The following ZMAT4 variants were observed in gnomAD, a reference collection of about 807,000 sequenced individuals.
ZMAT4 encodes the protein zinc finger matrin-type 4, also known as zinc finger matrin-type protein 4.
ZMAT4 carries 17 observed loss-of-function variants against 28.7 expected under a neutral mutation model. That is an observed-to-expected ratio of 0.59 (90% CI 0.41 to 0.89). The LOEUF (loss-of-function observed/expected upper bound fraction) is 0.89, where lower values mean the gene tolerates loss of function less well. Ranked by LOEUF, ZMAT4 falls within the 40% of genes least tolerant of loss-of-function variation. The pLI, the probability that ZMAT4 is intolerant of heterozygous loss-of-function variation, is 0.00. For missense variants in ZMAT4, 240 were observed against 283.8 expected (o/e 0.85, Z 1.11); for synonymous variants, 117 against 109.2 (o/e 1.07, Z -0.44).
At chr8:40,767,148 G>A (rs1051500374) in intron 3 of ZMAT4, among the ~76,000 whole-genome samples, 4 of 152,148 alleles carry the variant, frequency 2.6e-5, no homozygotes, top group African/African-American at 9.7e-5. Context: ...CCAAGCAAAT[G>A]TTCCTTCAGA....
At chr8:40,715,883 C>T (rs1300974234) in intron 3 of ZMAT4, among the ~76,000 whole-genome samples, 1 of 152,240 alleles carries the variant, frequency 6.6e-6, no homozygotes, top group African/African-American at 2.4e-5. Flanking sequence ...AACAGCCAGG[C>T]CCTCCAAGTC....
intron 1 of ZMAT4, among the ~76,000 whole-genome samples, chr8:40,873,908 A>C (rs1817948610): frequency 6.6e-6 from 1 of 152,140 alleles, no homozygotes; most frequent in African/African-American, 2.4e-5. Flanking sequence ...ACCTTAATTA[A>C]CATTAACAGA....
rs556911607 is a variant in ZMAT4, at chr8:40,877,857, T to A, written c.-5+19826A>T. Among the ~76,000 whole-genome samples the A allele has an allele frequency of 1.8e-4, 27 of 152,280 alleles. 1 individual carries two copies. In the South Asian group the frequency reaches 5.4e-3, roughly 30 times the overall value. ...CTATTTATAGAGCTGGCCACGGTCA[T>A]GTCAGATCTTTAAAAGAAGCAAAAC... is the stretch of plus-strand genomic sequence containing the variant. On this transcript the variant is annotated intron_variant, in intron 1 of 6. Transcript: ENST00000297737.
In ZMAT4 at chr8:40,531,826, G is replaced by A. The variant is rs887361659; in HGVS notation, c.*397C>T. The A allele has an allele frequency of 6.2e-6, 1 of 160,338 alleles. No individual in the cohort carries two copies. The highest frequency in any genetic ancestry group is 1.8e-4 in the East Asian group (1 of 5,650). 9.9% of individuals were successfully genotyped at this position (160,338 alleles called of 1,614,324 possible). On this transcript the variant is annotated 3_prime_UTR_variant, in exon 7 of 7. Transcript: ENST00000297737. Reference sequence around the variant, plus strand: ...AAAGAATGTATATTTCTGGATAGAGGTGGTTTACATCACACTCATTGAGGA... The same window carrying A: ...AAAGAATGTATATTTCTGGATAGAGATGGTTTACATCACACTCATTGAGGA...
At chr8:40,742,556 G>A (rs1812053435) in intron 3 of ZMAT4, among the ~76,000 whole-genome samples, 2 of 152,018 alleles carry the variant, frequency 1.3e-5, no homozygotes, top group Non-Finnish European at 1.5e-5. Context: ...AGTGTTGAAG[G>A]ACTGAGATGC....
At chr8:40,700,246 TA>T (rs113188421) in intron 3 of ZMAT4, among the ~76,000 whole-genome samples, 41 of 148,174 alleles carry the variant, frequency 2.8e-4, no homozygotes, top group South Asian at 4.3e-4. Context: ...ATTGTAAGAT[TA>T]AAAAAAAAAC....
chr8:40,603,890 A>C (rs1805489405), intron 5 of ZMAT4, among the ~76,000 whole-genome samples: 1 of 152,064 alleles, frequency 6.6e-6, no homozygotes, highest in African/African-American at 2.4e-5. Context: ...TTGGCCTCTC[A>C]ATCAGCAGTG....
At chr8:40,689,498 T>A (rs543201326) in intron 4 of ZMAT4, among the ~76,000 whole-genome samples, 2 of 152,356 alleles carry the variant, frequency 1.3e-5, no homozygotes, top group South Asian at 4.1e-4. Flanking sequence ...AATCTGAGCA[T>A]TAAGTGAGAA....
At chr8:40,742,745 G>A (rs531180626) in intron 3 of ZMAT4, among the ~76,000 whole-genome samples, 14 of 116,884 alleles carry the variant, frequency 1.2e-4, no homozygotes, top group African/African-American at 3.5e-4. Flanking sequence ...AAATGTGCAC[G>A]CATGCACACA....
intron 1 of ZMAT4, among the ~76,000 whole-genome samples, chr8:40,868,356 C>A (rs1270649734): frequency 2.6e-5 from 4 of 152,162 alleles, no homozygotes. Context: ...GCCTGCAGCT[C>A]CTTGCAGCTC....
intron 5 of ZMAT4, among the ~76,000 whole-genome samples, chr8:40,628,847 A>T (rs1806468507): frequency 2.0e-5 from 3 of 152,176 alleles, no homozygotes; most frequent in Admixed American, 2.0e-4. Context: ...AAAAATGCCA[A>T]CATAGATCTC....
At chr8:40,877,672 C>T (rs773128160) in intron 1 of ZMAT4, among the ~76,000 whole-genome samples, 39 of 152,094 alleles carry the variant, frequency 2.6e-4, no homozygotes, top group Admixed American at 6.6e-5. Flanking sequence ...AGACATGGAA[C>T]TATAAACATA....
intron 3 of ZMAT4, among the ~76,000 whole-genome samples, chr8:40,761,344 G>T (rs1318855104): frequency 6.6e-6 from 1 of 151,734 alleles, no homozygotes; most frequent in Non-Finnish European, 1.5e-5. Flanking sequence ...AGTTTGAAGG[G>T]CCCCTGCAAG....
intron 6 of ZMAT4, among the ~76,000 whole-genome samples, chr8:40,552,364 T>G (rs2118427110): frequency 6.6e-6 from 1 of 152,292 alleles, no homozygotes; most frequent in Admixed American, 6.5e-5. Flanking sequence ...CATAAAGCTA[T>G]GCTCTGAGCA....
chr8:40,592,411 A>C (rs1416472420), intron 5 of ZMAT4, among the ~76,000 whole-genome samples: 1 of 152,200 alleles, frequency 6.6e-6, no homozygotes, highest in Admixed American at 6.5e-5. Context: ...AGGATGTTTA[A>C]ATGTTTAGCC....
intron 1 of ZMAT4, among the ~76,000 whole-genome samples, chr8:40,878,715 C>A (rs1395047019): frequency 6.6e-6 from 1 of 152,222 alleles, no homozygotes; most frequent in Non-Finnish European, 1.5e-5. Flanking sequence ...TCCCATGGCA[C>A]CGTTCTCGCC....
chr8:40,554,312 C>T (rs1275510858), intron 6 of ZMAT4, among the ~76,000 whole-genome samples: 1 of 151,962 alleles, frequency 6.6e-6, no homozygotes, highest in Non-Finnish European at 1.5e-5. Flanking sequence ...ACAAACCAAC[C>T]ATTGTTTTTT....
intron 5 of ZMAT4, among the ~76,000 whole-genome samples, chr8:40,654,064 G>A (rs759162407): frequency 6.6e-6 from 1 of 152,142 alleles, no homozygotes; most frequent in Non-Finnish European, 1.5e-5. Flanking sequence ...ATAGAGCCAG[G>A]TAAGCAGATT....
At chr8:40,751,631 A>G (rs1292359576) in intron 3 of ZMAT4, among the ~76,000 whole-genome samples, 1 of 151,996 alleles carries the variant, frequency 6.6e-6, no homozygotes, top group East Asian at 1.9e-4. Flanking sequence ...CCAAACTATA[A>G]CATCAACCCC....
Sources: gnomAD v4.1 joint callset for allele counts (sites outside exome capture counted in the v4.1 genomes callset) on GRCh38, gnomAD v4.1.1 for gene constraint, MANE v1.5 for transcripts, NCBI Gene and HGNC (gene_info 2026-07-23, HGNC 2026-07-21) for gene names.